Variants in NTRK2 observed in about 807,000 individuals in gnomAD.
NTRK2 encodes BDNF/NT-3 growth factors receptor.
A neutral mutation model predicts 94.5 loss-of-function variants in NTRK2; 13 were observed. The ratio of observed to expected loss-of-function variants is 0.14; its 90% CI spans 0.09 to 0.22. The LOEUF is 0.22. NTRK2 is among the 10% of genes least tolerant of loss of function. The pLI is 1.00. For synonymous variants in NTRK2, 372 were observed against 407.4 expected (o/e 0.91, Z 1.05); for missense variants, 639 against 1,071.2 (o/e 0.60, Z 5.63).
intron 12 of NTRK2, among the ~76,000 whole-genome samples, chr9:84,828,936 C>T (rs1168163603): frequency 6.6e-6 from 1 of 151,374 alleles, no homozygotes; most frequent in East Asian, 1.9e-4. Flanking sequence ...GACCCTTGTA[C>T]AGGATTGTTT....
chr9:84,722,527 T>C (rs750780587), intron 6 of NTRK2, among the ~76,000 whole-genome samples: 5 of 152,150 alleles, frequency 3.3e-5, no homozygotes, highest in Non-Finnish European at 7.4e-5. Context: ...TGATCTGAGT[T>C]AATGATGTAT....
chr9:84,712,264 G>A (rs796865012), intron 6 of NTRK2, among the ~76,000 whole-genome samples: 10 of 152,240 alleles, frequency 6.6e-5, no homozygotes, highest in African/African-American at 2.4e-4. Flanking sequence ...GTGTTGTCTT[G>A]GCAGCATTCC....
intron 15 of NTRK2, among the ~76,000 whole-genome samples, chr9:84,938,296 C>T (rs17087898): frequency 0.14 from 21,775 of 152,084 alleles, 2,311 homozygotes; most frequent in African/African-American, 0.29. Context: ...TTCTGATAAA[C>T]CCTCTAGCAC....
chr9:84,688,612 C>A (rs534938644), intron 2 of NTRK2, among the ~76,000 whole-genome samples: 1 of 152,290 alleles, frequency 6.6e-6, no homozygotes, highest in Non-Finnish European at 1.5e-5. Context: ...CCAGCTTCCT[C>A]CTTTCTCTCT....
intron 12 of NTRK2, among the ~76,000 whole-genome samples, chr9:84,795,676 G>A (rs972005461): frequency 6.6e-6 from 1 of 152,172 alleles, no homozygotes; most frequent in African/African-American, 2.4e-5. Flanking sequence ...CCCCCACAGT[G>A]CCTCATCCTC....
intron 14 of NTRK2, among the ~76,000 whole-genome samples, chr9:84,888,719 TTTTTGTAACCAGG>T (rs1212965199): frequency 6.7e-6 from 1 of 149,740 alleles, no homozygotes; most frequent in Non-Finnish European, 1.5e-5. Flanking sequence ...TGTCTTTACC[TTTTTGTAACCAGG>T]CACTGGGCAC....
Position 84,979,661 on chromosome 9 carries a change from G to A in NTRK2, c.2172+24144G>A, listed in dbSNP as rs571109191. On this transcript the variant is annotated intron_variant, in intron 17 of 18. Coordinates refer to ENST00000277120, the MANE Select transcript of NTRK2 (RefSeq NM_006180.6). The stretch of plus-strand genomic sequence containing the variant: ...CTCCAATTTTGAAAGAAGTTCTGTG[G>A]ATAAAATACCATCAAACAGCATTAC... Among the ~76,000 whole-genome samples the A allele has an allele frequency of 3.3e-5, 5 of 152,322 alleles. No homozygotes were observed. In the East Asian group the frequency reaches 9.6e-4, roughly 29 times the overall value.
intron 14 of NTRK2, among the ~76,000 whole-genome samples, chr9:84,889,152 G>A (rs1457965785): frequency 2.7e-5 from 4 of 149,030 alleles, no homozygotes; most frequent in East Asian, 4.0e-4. Context: ...TACCACGCCC[G>A]GCTAATTTTT....
At chr9:84,768,841 A>T (rs1588472287) in intron 12 of NTRK2, among the ~76,000 whole-genome samples, 2 of 152,242 alleles carry the variant, frequency 1.3e-5, no homozygotes, top group East Asian at 3.9e-4. Context: ...AGGAAACATC[A>T]GGGGTAAGGG....
chr9:84,771,611 G>C (rs934136941), intron 12 of NTRK2, among the ~76,000 whole-genome samples: 2 of 152,158 alleles, frequency 1.3e-5, no homozygotes, highest in African/African-American at 4.8e-5. Flanking sequence ...ATTTATCGCA[G>C]ACTGTACCTA....
chr9:84,677,281 G>A (rs910618530), intron 2 of NTRK2, among the ~76,000 whole-genome samples: 1 of 152,046 alleles, frequency 6.6e-6, no homozygotes, highest in African/African-American at 2.4e-5. Flanking sequence ...ATTATTCCCC[G>A]ACTTCTTTCT....
At chr9:84,833,157 C>A (rs958593886) in intron 12 of NTRK2, among the ~76,000 whole-genome samples, 1 of 152,070 alleles carries the variant, frequency 6.6e-6, no homozygotes, top group Non-Finnish European at 1.5e-5. Flanking sequence ...GTTCAAAAAG[C>A]TCCCTACAGG....
intron 12 of NTRK2, among the ~76,000 whole-genome samples, chr9:84,808,174 A>T (rs1194595802): frequency 6.6e-6 from 1 of 152,186 alleles, no homozygotes; most frequent in Non-Finnish European, 1.5e-5. Flanking sequence ...TCCTGAGTGG[A>T]TGGCAATGGT....
intron 14 of NTRK2, among the ~76,000 whole-genome samples, chr9:84,926,721 T>A (rs181695574): frequency 6.6e-6 from 1 of 152,338 alleles, no homozygotes; most frequent in East Asian, 1.9e-4. Flanking sequence ...TATTTTTACA[T>A]GTTCGTGTTA....
rs2058631564 is a variant in NTRK2, at chr9:84,670,486, G to C, written c.-263G>C. 1.8e-5 allele frequency: 9 copies of C among 504,408 alleles called. No homozygotes were observed. The highest frequency in any genetic ancestry group is 1.7e-4 in the South Asian group (8 of 45,970). The allele number at this position is 504,408 out of a possible 1,614,324, so 31.2% of individuals were successfully genotyped here. A position where few individuals can be genotyped will look rare whatever the true frequency, so the allele number is the denominator to read the frequency against. On this transcript the variant is annotated 5_prime_UTR_variant, in exon 2 of 19. Coordinates refer to ENST00000277120, the MANE Select transcript of NTRK2 (RefSeq NM_006180.6). ...CCGGCGCGCCGGGCCATGCAGCGACGGCCGCCGCGGAGCTCCGAGCAGCGG... is the reference window on the plus strand; with the variant it reads ...CCGGCGCGCCGGGCCATGCAGCGACCGCCGCCGCGGAGCTCCGAGCAGCGG...
At chr9:84,837,826 T>C (rs7032076) in intron 12 of NTRK2, among the ~76,000 whole-genome samples, 60 of 152,300 alleles carry the variant, frequency 3.9e-4, no homozygotes, top group African/African-American at 1.2e-3. Context: ...ATGCTAAAGA[T>C]GCCATGTCAT....
intron 12 of NTRK2, among the ~76,000 whole-genome samples, chr9:84,855,770 C>T (rs1564393726): frequency 6.6e-6 from 1 of 152,092 alleles, no homozygotes; most frequent in Non-Finnish European, 1.5e-5. Context: ...TGTCTACGCC[C>T]ACATAACAAT....
intron 14 of NTRK2, chr9:84,875,513 G>C (rs922350865): frequency 9.4e-7 from 1 of 1,063,338 alleles, no homozygotes; most frequent in South Asian, 4.6e-5. Flanking sequence ...TGAAGCAGAT[G>C]ATCACTTTTT....
chr9:84,985,444 A>T (rs1462381062), intron 17 of NTRK2, among the ~76,000 whole-genome samples: 1 of 152,226 alleles, frequency 6.6e-6, no homozygotes, highest in Non-Finnish European at 1.5e-5. Context: ...CCATCAATAC[A>T]TGCTGAAAGC....
Sources: allele counts gnomAD v4.1 joint callset (sites outside exome capture counted in the v4.1 genomes callset), GRCh38; gene constraint gnomAD v4.1.1; transcripts MANE v1.5; gene names NCBI Gene and HGNC (gene_info 2026-07-23, HGNC 2026-07-21).